Variants in EHBP1 observed in about 807,000 individuals in gnomAD.
The protein encoded by EHBP1 is EH domain-binding protein 1.
A neutral mutation model predicts 144.0 loss-of-function variants in EHBP1; 55 were observed. The ratio of observed to expected loss-of-function variants is 0.38; its 90% CI spans 0.31 to 0.48. EHBP1 has a LOEUF of 0.48. Ranked by LOEUF, EHBP1 falls within the 20% of genes least tolerant of loss-of-function variation. The pLI, the probability that EHBP1 is intolerant of heterozygous loss-of-function variation, is 0.98. For missense variants in EHBP1, 1,200 were observed against 1,364.2 expected (o/e 0.88, Z 1.90); for synonymous variants, 469 against 472.7 (o/e 0.99, Z 0.10).
chr2:62,935,971 A>G (rs1053660977), intron 10 of EHBP1, among the ~76,000 whole-genome samples: 1 of 152,180 alleles, frequency 6.6e-6, no homozygotes, highest in African/African-American at 2.4e-5. Context: ...TAAGCCAAAT[A>G]TGTGTTCTTG....
At chr2:62,993,730 A>G (rs1574397670) in intron 17 of EHBP1, 62 bp downstream of exon 17, 1 of 825,680 alleles carries the variant, frequency 1.2e-6, no homozygotes, top group East Asian at 3.6e-5. Context: ...ATATCTATAT[A>G]TAGTATATAT....
At chr2:62,694,292 G>C (rs2034007283) in intron 1 of EHBP1, among the ~76,000 whole-genome samples, 1 of 152,046 alleles carries the variant, frequency 6.6e-6, no homozygotes, top group Non-Finnish European at 1.5e-5. Context: ...TTTTTAAATT[G>C]ATCTATAATT....
chr2:62,691,618 A>C (rs946054264), intron 1 of EHBP1, among the ~76,000 whole-genome samples: 1 of 152,184 alleles, frequency 6.6e-6, no homozygotes, highest in African/African-American at 2.4e-5. Flanking sequence ...AGACCTCCTA[A>C]ATTTTCCCCT....
At chr2:62,801,571 T>TA (rs1466733940) in intron 5 of EHBP1, among the ~76,000 whole-genome samples, 2 of 152,258 alleles carry the variant, frequency 1.3e-5, no homozygotes, top group Non-Finnish European at 2.9e-5. Context: ...TATTTATTGA[T>TA]ACTCTTCATG....
intron 12 of EHBP1, 27 bp downstream of exon 12, chr2:62,943,877 C>A (rs372347101): frequency 6.4e-6 from 10 of 1,563,850 alleles, no homozygotes; most frequent in African/African-American, 4.1e-5. Flanking sequence ...AAGAAAAATA[C>A]GTAGTTTCAA....
At chr2:62,693,927 G>T (rs1375365254) in intron 1 of EHBP1, among the ~76,000 whole-genome samples, 3 of 152,016 alleles carry the variant, frequency 2.0e-5, no homozygotes, top group Non-Finnish European at 4.4e-5. Flanking sequence ...TTAAAATTTT[G>T]ATGAAGTCCA....
intron 19 of EHBP1, among the ~76,000 whole-genome samples, chr2:63,028,719 T>A (rs2061096588): frequency 1.3e-5 from 2 of 152,150 alleles, no homozygotes; most frequent in Non-Finnish European, 2.9e-5. Context: ...TTTCTATATT[T>A]TAAAAATTAT....
intron 13 of EHBP1, among the ~76,000 whole-genome samples, chr2:62,951,780 C>A (rs938965072): frequency 6.6e-6 from 1 of 152,148 alleles, no homozygotes; most frequent in Non-Finnish European, 1.5e-5. Context: ...CTGCCTCAGT[C>A]TCCCAAAGTA....
chr2:62,806,601 A>AGG (rs2044506814), intron 5 of EHBP1, among the ~76,000 whole-genome samples: 1 of 152,052 alleles, frequency 6.6e-6, no homozygotes, highest in Non-Finnish European at 1.5e-5. Context: ...GGGTTCAAGC[A>AGG]ATCCTCTTGC....
chr2:62,996,616 T>A, intron 18 of EHBP1, 27 bp from the exon 19 acceptor site: 1 of 1,612,562 alleles, frequency 6.2e-7, no homozygotes, highest in South Asian at 1.1e-5. Flanking sequence ...TGATTTTTTT[T>A]TCCTTCCTGT....
intron 15 of EHBP1, among the ~76,000 whole-genome samples, chr2:62,984,466 ACTTT>A: frequency 6.6e-6 from 1 of 152,306 alleles, no homozygotes; most frequent in East Asian, 1.9e-4. Flanking sequence ...TCTCTAGTTT[ACTTT>A]CTGCCTTGTT....
chr2:62,839,264 G>A (rs1204395543), intron 7 of EHBP1, among the ~76,000 whole-genome samples: 15 of 152,000 alleles, frequency 9.9e-5, no homozygotes, highest in African/African-American at 2.2e-4. Flanking sequence ...CAATAGATGC[G>A]GAAAAAGCCT....
chr2:62,828,447 A>G (rs1263249517), intron 6 of EHBP1, among the ~76,000 whole-genome samples: 2 of 152,230 alleles, frequency 1.3e-5, no homozygotes, highest in East Asian at 3.8e-4. Flanking sequence ...AAAAAAGTTC[A>G]GATTTATCAA....
At chr2:62,782,386 T>C (rs1460763979) in intron 5 of EHBP1, among the ~76,000 whole-genome samples, 1 of 152,190 alleles carries the variant, frequency 6.6e-6, no homozygotes. Context: ...TTCCTAGAGG[T>C]ATCTGACAGT....
chr2:62,996,861 T>G, intron 19 of EHBP1, 95 bp downstream of exon 19: 1 of 1,537,300 alleles, frequency 6.5e-7, no homozygotes, highest in Non-Finnish European at 8.8e-7. Flanking sequence ...GAAGCCTGAA[T>G]GTTCAGCAAA....
chr2:62,979,292 A>G lies in EHBP1; in HGVS notation c.2565A>G (p.Glu855=), dbSNP rs369648477. 1.7e-5 allele frequency: 28 copies of G among 1,613,798 alleles called. No homozygotes were observed. The African/African-American group carries it at 2.7e-4, about 15-fold the overall frequency. Residue 855 remains glutamate (E), a synonymous_variant, in exon 15 of 23, where the codon GAA becomes GAG. Coordinates refer to ENST00000431489, the MANE Select transcript of EHBP1 (RefSeq NM_001142616.3). ...TGTCAGAACTTCCCAGCTATGGTGA[A>G]ATGGCTGCAGAAAAGTTGAAAGAAA... ...VKMSELPSYG[E]MAAEKLKERS... is the part of the protein sequence containing the mutation.
intron 7 of EHBP1, among the ~76,000 whole-genome samples, chr2:62,843,844 G>A (rs1460722640): frequency 6.6e-6 from 1 of 152,146 alleles, no homozygotes; most frequent in Non-Finnish European, 1.5e-5. Context: ...TACAAATAAA[G>A]TATGGTAAGT....
At chr2:62,870,734 A>AAAAAAAAAAATATATATATAT (rs2050404940) in intron 9 of EHBP1, among the ~76,000 whole-genome samples, 1 of 136,626 alleles carries the variant, frequency 7.3e-6, no homozygotes, top group South Asian at 2.2e-4. Flanking sequence ...AAAAAAAAAA[A>AAAAAAAAAAATATATATATAT]ATACATATAT....
chr2:62,840,008 C>G (rs1055227696), intron 7 of EHBP1, among the ~76,000 whole-genome samples: 4 of 151,960 alleles, frequency 2.6e-5, no homozygotes, highest in Admixed American at 2.0e-4. Context: ...CATATGGAAC[C>G]AAAAAAGGGC....
Sources: gnomAD v4.1 joint callset for allele counts (sites outside exome capture counted in the v4.1 genomes callset) on GRCh38, gnomAD v4.1.1 for gene constraint, MANE v1.5 for transcripts, NCBI Gene and HGNC (gene_info 2026-07-23, HGNC 2026-07-21) for gene names.